Variants in DENND4A observed in about 807,000 individuals in gnomAD.
DENND4A encodes the protein DENN domain containing 4A, also known as C-myc promoter-binding protein.
Under a neutral mutation model 199.3 loss-of-function variants are expected in DENND4A, and 70 were observed. The observed-to-expected ratio is 0.35, with a 90% confidence interval of 0.29 to 0.43. DENND4A has a LOEUF of 0.43. Among genes scored for constraint, DENND4A ranks in the 20% least tolerant of loss-of-function variants. The pLI is 1.00. For synonymous variants in DENND4A, 686 were observed against 766.9 expected, an observed-to-expected ratio of 0.89 and a Z score of 1.74; for missense variants, 1,723 against 2,255.8, an observed-to-expected ratio of 0.76 and a Z score of 4.78.
chr15:65,702,749 C>A, intron 16 of DENND4A, 124 bp downstream of exon 16: 2 of 1,039,260 alleles, frequency 1.9e-6, no homozygotes, highest in South Asian at 3.2e-5. Flanking sequence ...CTTCACAGTG[C>A]TTTGGTGAAC....
chr15:65,668,101 A>G lies in DENND4A; in HGVS notation c.4810T>C (p.Phe1604Leu). The G allele has an allele frequency of 6.3e-7, 1 of 1,579,420 alleles. No individual in the cohort carries two copies. The highest frequency in any genetic ancestry group is 8.5e-7 in the Non-Finnish European group (1 of 1,170,854). ...LNSKSKLQEN[F>L]CTRSIQIPAN... Reference sequence around the variant, plus strand: ...GGGATCTGAATACTTCGGGTGCAAAAATTTTCCTGCAGTTTAGATTTGCTT... The same window carrying G: ...GGGATCTGAATACTTCGGGTGCAAAGATTTTCCTGCAGTTTAGATTTGCTT... Residue 1604 changes from phenylalanine to leucine, a missense_variant, in exon 28 of 33, where the codon TTT (phenylalanine) becomes CTT (leucine). Around this residue, in one of 6 missense-constraint regions of DENND4A, gnomAD observed 141 missense variants for 170.7 expected, o/e 0.83. Transcript: ENST00000443035.
At chr15:65,714,779 C>T (rs1379001305) in intron 14 of DENND4A, among the ~76,000 whole-genome samples, 1 of 152,080 alleles carries the variant, frequency 6.6e-6, no homozygotes, top group South Asian at 2.1e-4. Flanking sequence ...ACATGGATAC[C>T]CTCTTTAAAC....
rs1233408911 is a variant in DENND4A, at chr15:65,660,947, A to T, written c.*904T>A. 1 of 152,214 alleles carries T rather than the reference A, an allele frequency of 6.6e-6. No individual in the cohort carries two copies. The highest frequency in any genetic ancestry group is 1.9e-4 in the East Asian group (1 of 5,208). The allele number at this position is 152,214 out of a possible 1,614,324, so 9.4% of individuals were successfully genotyped here. On this transcript the variant is annotated 3_prime_UTR_variant, in exon 33 of 33. Transcript: ENST00000443035. ...ATTTGGAATATAATCACTTGTCTGC[A>T]TATTTCCCAATGTAAGTTTTCATGT...
At chr15:65,722,195 A>T (rs1050033923) in intron 12 of DENND4A, among the ~76,000 whole-genome samples, 1 of 152,322 alleles carries the variant, frequency 6.6e-6, no homozygotes, top group Non-Finnish European at 1.5e-5. Flanking sequence ...GTGTATGAAA[A>T]AAATAGGCCA....
At chr15:65,728,536 T>G (rs553573860) in intron 11 of DENND4A, among the ~76,000 whole-genome samples, 1 of 149,738 alleles carries the variant, frequency 6.7e-6, no homozygotes, top group Admixed American at 6.7e-5. Flanking sequence ...CAGGCTGGAG[T>G]GCAGTGGCGC....
At chr15:65,684,114 A>G (rs931305866) in intron 23 of DENND4A, among the ~76,000 whole-genome samples, 1 of 152,098 alleles carries the variant, frequency 6.6e-6, no homozygotes, top group Non-Finnish European at 1.5e-5. Context: ...CATTTTACCT[A>G]TTTTCCAGTT....
At chr15:65,761,951 T>C (rs996523968) in intron 1 of DENND4A, among the ~76,000 whole-genome samples, 10 of 152,252 alleles carry the variant, frequency 6.6e-5, no homozygotes, top group Admixed American at 6.5e-4. Flanking sequence ...GTCAGCCTTC[T>C]GTATCCATGA....
chr15:65,661,562 T>G lies in DENND4A; in HGVS notation c.*289A>C. 1 of 226,714 alleles carries G rather than the reference T, an allele frequency of 4.4e-6. No individual in the cohort carries two copies. The allele number at this position is 226,714 out of a possible 1,614,324, so 14.0% of individuals were successfully genotyped here. A position where few individuals can be genotyped will look rare whatever the true frequency, so the allele number is the denominator to read the frequency against. ...AAGAAACCATAAAGCAGTTGTCATA[T>G]TTTATGGCAACTAATTTTGTTTAGG... On this transcript the variant is annotated 3_prime_UTR_variant, in exon 33 of 33. Coordinates refer to ENST00000443035, the MANE Select transcript of DENND4A (RefSeq NM_001320835.1).
At chr15:65,678,729 AC>A (rs1324680579) in intron 23 of DENND4A, among the ~76,000 whole-genome samples, 2 of 152,084 alleles carry the variant, frequency 1.3e-5, no homozygotes, top group Non-Finnish European at 2.9e-5. Flanking sequence ...TCACTGTGTC[AC>A]CCAGGCTGGA....
At position 65,691,375 on chromosome 15, in the gene DENND4A, A is replaced by G. The variant is rs1596449532; in HGVS notation, c.3219T>C (p.Asn1073=). 6.2e-7 allele frequency: 1 copy of G among 1,613,484 alleles called. No homozygotes were observed. The highest frequency in any genetic ancestry group is 1.1e-5 in the South Asian group (1 of 91,064). The change falls in exon 23 of 33, where the codon AAT becomes AAC. Residue 1073 remains asparagine (N), a synonymous_variant. Coordinates refer to ENST00000443035, the MANE Select transcript of DENND4A (RefSeq NM_001320835.1). Reference sequence around the variant, plus strand: ...CCCCTCCACTAAGATTACGGTTTCTATTTCCCCAGACCACTTGCTGCTGCA... The same window carrying G: ...CCCCTCCACTAAGATTACGGTTTCTGTTTCCCCAGACCACTTGCTGCTGCA... ...TNLQQQVVWG[N]RNRNLSGGVL... is the part of the protein sequence containing the mutation.
chr15:65,707,917 C>A (rs1375350090), intron 14 of DENND4A, among the ~76,000 whole-genome samples: 1 of 151,930 alleles, frequency 6.6e-6, no homozygotes, highest in East Asian at 1.9e-4. Flanking sequence ...AGCTCCTGAC[C>A]TTAGGTGATC....
chr15:65,744,790 G>A (rs2076346759), intron 4 of DENND4A, among the ~76,000 whole-genome samples: 1 of 152,112 alleles, frequency 6.6e-6, no homozygotes. Context: ...TGTTTCTCAT[G>A]TAATCCTTTC....
intron 11 of DENND4A, among the ~76,000 whole-genome samples, chr15:65,727,585 G>A (rs753293555): frequency 6.6e-6 from 1 of 152,088 alleles, no homozygotes. Context: ...TCATGCTACT[G>A]CACTCCAGCC....
intron 1 of DENND4A, among the ~76,000 whole-genome samples, chr15:65,791,758 T>C (rs2077733705): frequency 6.7e-6 from 1 of 149,558 alleles, no homozygotes; most frequent in African/African-American, 2.5e-5. Flanking sequence ...AAATCTGGAA[T>C]GAAAACACAG....
chr15:65,679,135 C>G (rs1196115146), intron 23 of DENND4A, among the ~76,000 whole-genome samples: 3 of 152,158 alleles, frequency 2.0e-5, no homozygotes, highest in Admixed American at 6.5e-5. Flanking sequence ...AGCTCTGTCA[C>G]CCGGGCTGGA....
chr15:65,744,335 C>T (rs578107293), intron 4 of DENND4A, among the ~76,000 whole-genome samples: 17 of 152,266 alleles, frequency 1.1e-4, no homozygotes, highest in African/African-American at 3.9e-4. Flanking sequence ...AAGTTTGAAA[C>T]ATCTATTAGA....
intron 2 of DENND4A, among the ~76,000 whole-genome samples, chr15:65,758,424 C>CT (rs2076769313): frequency 6.6e-6 from 1 of 152,184 alleles, no homozygotes; most frequent in Non-Finnish European, 1.5e-5. Flanking sequence ...AGCAATCCTC[C>CT]TGCCTCAGCC....
chr15:65,711,415 C>T (rs2075246190), intron 14 of DENND4A, among the ~76,000 whole-genome samples: 1 of 152,124 alleles, frequency 6.6e-6, no homozygotes, highest in African/African-American at 2.4e-5. Context: ...ATCACTTGGG[C>T]CCAGGAGGTC....
intron 11 of DENND4A, 128 bp from the exon 12 acceptor site, chr15:65,723,076 T>G (rs2075696071): frequency 4.2e-6 from 3 of 718,658 alleles, no homozygotes; most frequent in Non-Finnish European, 6.1e-6. Context: ...ACAAAATATT[T>G]GCATTAACAA....
Sources: gnomAD v4.1 joint callset for allele counts (sites outside exome capture counted in the v4.1 genomes callset) on GRCh38, gnomAD v4.1.1 for gene constraint, gnomAD v4.1.1 regional missense constraint, MANE v1.5 for transcripts, NCBI Gene and HGNC (gene_info 2026-07-23, HGNC 2026-07-21) for gene names.